Variants in IL1RAPL2 observed in about 807,000 individuals in gnomAD.
IL1RAPL2 encodes X-linked interleukin-1 receptor accessory protein-like 2.
IL1RAPL2 carries 3 observed loss-of-function variants against 44.1 expected under a neutral mutation model. The observed-to-expected ratio is 0.07, with a 90% CI of 0.03 to 0.18. The LOEUF (loss-of-function observed/expected upper bound fraction) is 0.18, where lower values mean the gene tolerates loss of function less well. Among genes scored for constraint, IL1RAPL2 ranks in the 10% least tolerant of loss-of-function variants. IL1RAPL2 has a pLI of 1.00. For synonymous variants in IL1RAPL2, 181 were observed against 178.8 expected, an observed-to-expected ratio of 1.01 and a Z score of -0.10; for missense variants, 391 against 496.4, an observed-to-expected ratio of 0.79 and a Z score of 2.02.
intron 5 of IL1RAPL2, among the ~76,000 whole-genome samples, chrX:105,337,906 C>T (rs764730666): frequency 2.7e-5 from 3 of 111,108 alleles, no homozygotes; most frequent in Non-Finnish European, 5.7e-5. Flanking sequence ...CACACACACA[C>T]ACACACACAA....
chrX:104,973,285 T>G (rs947318150), intron 2 of IL1RAPL2, among the ~76,000 whole-genome samples: 1 of 112,015 alleles, frequency 8.9e-6, no homozygotes, highest in Non-Finnish European at 1.9e-5. Context: ...AAAAGACTTA[T>G]AGCCAATTAA....
chrX:104,879,738 C>T (rs1327375374), intron 2 of IL1RAPL2, among the ~76,000 whole-genome samples: 7 of 111,757 alleles, frequency 6.3e-5, no homozygotes, highest in Non-Finnish European at 1.3e-4. Flanking sequence ...TGACTTCATC[C>T]TCTACATAGG....
intron 2 of IL1RAPL2, among the ~76,000 whole-genome samples, chrX:104,983,217 A>G (rs1309735225): frequency 1.8e-5 from 2 of 108,651 alleles, no homozygotes; most frequent in African/African-American, 6.7e-5. Context: ...AACTGCACAC[A>G]CAAGGAAGAA....
At chrX:104,662,427 A>G (rs1053839161) in intron 2 of IL1RAPL2, among the ~76,000 whole-genome samples, 1 of 112,055 alleles carries the variant, frequency 8.9e-6, no homozygotes, top group Non-Finnish European at 1.9e-5. Flanking sequence ...CTCCTTCAGT[A>G]TTCACTTTTT....
At chrX:105,248,364 G>A (rs1490909207) in intron 4 of IL1RAPL2, among the ~76,000 whole-genome samples, 2 of 111,243 alleles carry the variant, frequency 1.8e-5, no homozygotes, top group African/African-American at 6.5e-5. Flanking sequence ...ATGCAACTAC[G>A]ACAACAACAA....
chrX:105,693,185 A>G (rs759534863), intron 6 of IL1RAPL2, among the ~76,000 whole-genome samples: 1 of 112,070 alleles, frequency 8.9e-6, no homozygotes, highest in Non-Finnish European at 1.9e-5. Context: ...GGAATATATT[A>G]TTTTATGTGG....
At chrX:104,677,623 G>A (rs1441609984) in intron 2 of IL1RAPL2, among the ~76,000 whole-genome samples, 1 of 112,724 alleles carries the variant, frequency 8.9e-6, no homozygotes, top group East Asian at 2.8e-4. Context: ...GGTGGGCTCT[G>A]CCCAGTTCGA....
chrX:105,728,412 C>G (rs1372530094), intron 7 of IL1RAPL2, among the ~76,000 whole-genome samples: 1 of 111,668 alleles, frequency 9.0e-6, no homozygotes, highest in African/African-American at 3.2e-5. Flanking sequence ...TTTCTTAATG[C>G]TACCAGCACC....
At chrX:105,555,456 C>T (rs1303619744) in intron 6 of IL1RAPL2, among the ~76,000 whole-genome samples, 2 of 111,658 alleles carry the variant, frequency 1.8e-5, no homozygotes, top group Non-Finnish European at 3.8e-5. Context: ...CATCCACTTC[C>T]CTAGTTGGTT....
At position 105,137,950 on chromosome X, in the gene IL1RAPL2, A is replaced by G. The variant is rs780611988; in HGVS notation, c.83-57525A>G. 1.4e-4 allele frequency among the ~76,000 whole-genome samples: 16 copies of G among 111,838 alleles called. No individual in the cohort carries two copies. The South Asian group carries it at 5.3e-3, about 37-fold the overall frequency. On this transcript the variant is annotated intron_variant, in intron 2 of 10. Coordinates refer to ENST00000372582, the MANE Select transcript of IL1RAPL2 (RefSeq NM_017416.2). ...TAGTCAGGCATGGTGGCATGTGCCT[A>G]TAGTCCCAGCTACTCGGGAGGCTGA...
intron 6 of IL1RAPL2, among the ~76,000 whole-genome samples, chrX:105,488,099 G>A (rs1262977498): frequency 2.7e-5 from 3 of 111,765 alleles, no homozygotes; most frequent in Admixed American, 9.5e-5. Flanking sequence ...ACAACATCAT[G>A]GTAGATTAAA....
At chrX:104,716,934 G>T (rs1048795190) in intron 2 of IL1RAPL2, among the ~76,000 whole-genome samples, 1 of 111,632 alleles carries the variant, frequency 9.0e-6, no homozygotes, top group African/African-American at 3.3e-5. Flanking sequence ...TATACCTGAA[G>T]GAATAGAAAT....
rs1183977388 is a variant in IL1RAPL2 at position 104,663,128 on chromosome X, G to A, written c.82+4133G>A. Among the ~76,000 whole-genome samples, 3 of 111,602 alleles carry A rather than the reference G, an allele frequency of 2.7e-5. 1 individual carries two copies. The highest frequency in any genetic ancestry group is 5.7e-5 in the Non-Finnish European group (3 of 53,083). Reference sequence around the variant, plus strand: ...TAATGAGAGAATGGCTTTATTTGGGGCTTTGGTTTATAAAATTATGATATT... The same window carrying A: ...TAATGAGAGAATGGCTTTATTTGGGACTTTGGTTTATAAAATTATGATATT... On this transcript the variant is annotated intron_variant, in intron 2 of 10. Coordinates refer to ENST00000372582, the MANE Select transcript of IL1RAPL2 (RefSeq NM_017416.2).
intron 2 of IL1RAPL2, among the ~76,000 whole-genome samples, chrX:104,879,372 A>AAAAAAAAAAAAAAAAAAAAAAAAAAAG (rs1922999717): frequency 1.9e-5 from 2 of 102,649 alleles, no homozygotes; most frequent in Non-Finnish European, 2.0e-5. Flanking sequence ...TAGTAAAAAA[A>AAAAAAAAAAAAAAAAAAAAAAAAAAAG]AAAAAAAAAA....
intron 2 of IL1RAPL2, among the ~76,000 whole-genome samples, chrX:104,715,740 A>T (rs752739742): frequency 9.1e-6 from 1 of 110,402 alleles, no homozygotes; most frequent in East Asian, 2.9e-4. Flanking sequence ...GAGGTGAAAG[A>T]GCTCTACAAG....
intron 4 of IL1RAPL2, among the ~76,000 whole-genome samples, chrX:105,236,034 T>G (rs1189675959): frequency 8.9e-6 from 1 of 112,556 alleles, no homozygotes; most frequent in Non-Finnish European, 1.9e-5. Context: ...GATGCCATGC[T>G]GGTGCAGTGG....
chrX:104,861,933 G>A (rs1323744201), intron 2 of IL1RAPL2, among the ~76,000 whole-genome samples: 2 of 111,298 alleles, frequency 1.8e-5, no homozygotes, highest in African/African-American at 6.5e-5. Flanking sequence ...AAAGGTAAAG[G>A]GTAGTCAGAG....
At chrX:105,066,242 A>C (rs1357493935) in intron 2 of IL1RAPL2, among the ~76,000 whole-genome samples, 3 of 111,358 alleles carry the variant, frequency 2.7e-5, no homozygotes. Context: ...GTCCCAGAAC[A>C]TATCTTCATC....
chrX:105,425,488 C>A (rs1421759891), intron 5 of IL1RAPL2, among the ~76,000 whole-genome samples: 1 of 76,035 alleles, frequency 1.3e-5, no homozygotes, highest in Non-Finnish European at 2.4e-5. Flanking sequence ...GCTCTTTTAA[C>A]TTTTTTTTTT....
Sources: allele counts gnomAD v4.1 joint callset (sites outside exome capture counted in the v4.1 genomes callset), GRCh38; gene constraint gnomAD v4.1.1; transcripts MANE v1.5; gene names NCBI Gene and HGNC (gene_info 2026-07-23, HGNC 2026-07-21).